Variants in NCDN observed in about 807,000 individuals in gnomAD.
NCDN encodes the protein norbin.
Under a neutral mutation model 60.7 loss-of-function variants are expected in NCDN, and 9 were observed. The ratio of observed to expected loss-of-function variants is 0.15; its 90% confidence interval spans 0.09 to 0.26. The LOEUF (loss-of-function observed/expected upper bound fraction) is 0.26, where lower values mean the gene tolerates loss of function less well. Ranked by LOEUF, NCDN falls within the 10% of genes least tolerant of loss-of-function variation. The pLI is 1.00. For synonymous variants in NCDN, 409 were observed against 442.5 expected (o/e 0.92, Z 0.95); for missense variants, 578 against 975.2 (o/e 0.59, Z 5.42).
chr1:35,565,756 C>T lies in NCDN; in HGVS notation c.*93C>T. On this transcript the variant is annotated 3_prime_UTR_variant, in exon 7 of 7. Coordinates refer to ENST00000373243, the MANE Select transcript of NCDN (RefSeq NM_014284.3). The surrounding 1 kb of genome is among the most constrained non-coding windows in gnomAD (Gnocchi z 8.9). ...AAGCCCCCAATCTGGCCCCCCCCTC[C>T]CCAGACTTCCTCCCCAAAACACCCC... 1 of 1,324,610 alleles carries T rather than the reference C, an allele frequency of 7.5e-7. No homozygotes were observed. 82.1% of individuals were successfully genotyped at this position (1,324,610 alleles called of 1,614,324 possible).
Position 35,560,925 on chromosome 1 carries a change from C to T in NCDN, c.774C>T (p.Tyr258=), listed in dbSNP as rs779151601. 10 of 1,613,824 alleles carry T rather than the reference C, an allele frequency of 6.2e-6. No homozygotes were observed. The East Asian group carries it at 2.0e-4, about 32-fold the overall frequency. Residue 258 remains tyrosine (Y), a synonymous_variant, in exon 3 of 7, where the codon TAC becomes TAT. Coordinates refer to ENST00000373243, the MANE Select transcript of NCDN (RefSeq NM_014284.3). This position sits in a 1 kb window ranked among gnomAD's most constrained non-coding sequence, Gnocchi z 7.6. The part of the protein sequence containing the change: ...LPPTTVPPEC[Y]RDLQAGLARI... The stretch of plus-strand genomic sequence containing the variant: ...CGACAACCGTGCCCCCTGAATGCTA[C>T]CGGGATCTGCAGGCCGGGCTGGCAC...
chr1:35,559,086 C>G, intron 1 of NCDN, 21 bp from the exon 2 acceptor site: 5 of 1,534,232 alleles, frequency 3.3e-6, no homozygotes, highest in Non-Finnish European at 4.4e-6. Flanking sequence ...GAGGGATGCT[C>G]AGTCCCTCTT....
rs139104373 is a variant in NCDN, at chr1:35,560,631, G to A, written c.480G>A (p.Thr160=). The A allele has an allele frequency of 3.3e-5, 54 of 1,613,438 alleles. No individual in the cohort carries two copies. The highest frequency in any genetic ancestry group is 1.6e-4 in the Middle Eastern group (1 of 6,084). Reference sequence around the variant, plus strand: ...TTGATGACACCTACCAGTGCCTGACGGCTGTAGCAGGCACACCCAGAGGGC... The same window carrying A: ...TTGATGACACCTACCAGTGCCTGACAGCTGTAGCAGGCACACCCAGAGGGC... ...SMIDDTYQCL[T]AVAGTPRGPR... The change falls in exon 3 of 7, where the codon ACG becomes ACA. Residue 160 remains threonine, a synonymous_variant. Coordinates refer to ENST00000373243, the MANE Select transcript of NCDN (RefSeq NM_014284.3). The surrounding 1 kb of genome is among the most constrained non-coding windows in gnomAD (Gnocchi z 7.6).
In NCDN at chr1:35,562,596, A is replaced by C; in HGVS notation, c.1348A>C (p.Thr450Pro). ...GGTGGCCAACCTGGCCATCTCCCCC[A>C]CCACCCCAGGGCCCACCTGGCCAGG... ...QQVANLAISPTTPGPTWPGDA... is the reference protein window; with the variant it reads ...QQVANLAISPPTPGPTWPGDA... The change falls in exon 4 of 7, where the codon ACC becomes CCC. Residue 450 changes from threonine (T) to proline (P), a missense_variant. By Grantham distance (38) the Thr-to-Pro change is conservative. This residue lies in a region of NCDN where 24 missense variants were observed against 19.5 expected (regional missense o/e 1.23). Transcript: ENST00000373243. This position sits in a 1 kb window ranked among gnomAD's most constrained non-coding sequence, Gnocchi z 6.8. 6 of 1,613,686 alleles carry C rather than the reference A, an allele frequency of 3.7e-6. No homozygotes were observed. The highest frequency in any genetic ancestry group is 5.1e-6 in the Non-Finnish European group (6 of 1,179,854).
rs976908525 is a variant in NCDN at position 35,561,640 on chromosome 1, G to T, written c.1143+346G>T. Among the ~76,000 whole-genome samples, 4 of 152,066 alleles carry T rather than the reference G, an allele frequency of 2.6e-5. No individual in the cohort carries two copies. The highest frequency in any genetic ancestry group is 9.7e-5 in the African/African-American group (4 of 41,364). Reference sequence around the variant, plus strand: ...CATGCACACAAGATTGAAGCAGTCTGTTCTGCTCACTCCATAGCATTGTTT... The same window carrying T: ...CATGCACACAAGATTGAAGCAGTCTTTTCTGCTCACTCCATAGCATTGTTT... On this transcript the variant is annotated intron_variant, in intron 3 of 6. Transcript: ENST00000373243. This position sits in a 1 kb window ranked among gnomAD's most constrained non-coding sequence, Gnocchi z 4.9.
chr1:35,563,437 C>T lies in NCDN; in HGVS notation c.1610+11C>T, dbSNP rs536513112. On this transcript the variant is annotated intron_variant, in intron 5 of 6. Transcript: ENST00000373243. This position sits in a 1 kb window ranked among gnomAD's most constrained non-coding sequence, Gnocchi z 6.6. ...ACCGGGGCTGATCAAGTGAGGGGCT[C>T]GGGAGAGGTGGGGGAGGAGGCCGGA... The T allele has an allele frequency of 1.1e-5, 17 of 1,609,086 alleles. No homozygotes were observed. Among genetic ancestry groups the T allele is most frequent in the African/African-American group, 4.0e-5 (3 of 74,948 alleles).
At position 35,562,689 on chromosome 1, in the gene NCDN, A is replaced by T. The variant is rs1648742821; in HGVS notation, c.1385+56A>T. 3 of 1,552,102 alleles carry T rather than the reference A, an allele frequency of 1.9e-6. No individual in the cohort carries two copies. Among genetic ancestry groups the T allele is most frequent in the African/African-American group, 2.7e-5 (2 of 73,646 alleles). ...GATCATTCTACCGAAAAGCGTTAAC[A>T]CAAGGACACCCCTCCCCACAAACTG... On this transcript the variant is annotated intron_variant, in intron 4 of 6. Transcript: ENST00000373243. This position sits in a 1 kb window ranked among gnomAD's most constrained non-coding sequence, Gnocchi z 6.8.
chr1:35,559,380 C>G, intron 2 of NCDN, 133 bp downstream of exon 2: 2 of 1,172,164 alleles, frequency 1.7e-6, no homozygotes, highest in Non-Finnish European at 2.4e-6. Flanking sequence ...GGCCCAAGAC[C>G]CCTACCTTTG....
In NCDN at chr1:35,566,601, G is replaced by T. The variant is rs910268547; in HGVS notation, c.*938G>T. On this transcript the variant is annotated 3_prime_UTR_variant, in exon 7 of 7. Coordinates refer to ENST00000373243, the MANE Select transcript of NCDN (RefSeq NM_014284.3). The surrounding 1 kb of genome is among the most constrained non-coding windows in gnomAD (Gnocchi z 5.3). ...AGACGCGACTGGCGGCTCCAGCAGG[G>T]ACTACCTTTCTTATAAACCCAGGGG... The T allele has an allele frequency of 5.6e-6, 2 of 360,038 alleles. No homozygotes were observed. Among genetic ancestry groups the T allele is most frequent in the African/African-American group, 2.2e-5 (1 of 46,240 alleles). 22.3% of individuals were successfully genotyped at this position (360,038 alleles called of 1,614,324 possible).
Position 35,558,304 on chromosome 1 carries a change from C to A in NCDN, c.33+81C>A. The A allele has an allele frequency of 6.2e-7, 1 of 1,600,142 alleles. No individual in the cohort carries two copies. Among genetic ancestry groups the A allele is most frequent in the Non-Finnish European group, 8.5e-7 (1 of 1,170,956 alleles). ...GCTTCGATTATCCGGCTTTTGGATT[C>A]TCCGTTGTCCTGGGAACTATCCGGG... is the stretch of plus-strand genomic sequence containing the variant. On this transcript the variant is annotated intron_variant, in intron 1 of 6. Transcript: ENST00000373243. The surrounding 1 kb of genome is among the most constrained non-coding windows in gnomAD (Gnocchi z 6.3).
chr1:35,561,567 G>A lies in NCDN; in HGVS notation c.1143+273G>A, dbSNP rs1388868909. 1.3e-5 allele frequency among the ~76,000 whole-genome samples: 2 copies of A among 151,196 alleles called. No individual in the cohort carries two copies. Among genetic ancestry groups the A allele is most frequent in the Non-Finnish European group, 3.0e-5 (2 of 67,786 alleles). ...CAACACAGTAACCTCCCACTCAAAC[G>A]CTCCCCCCAATACACACACACTACA... On this transcript the variant is annotated intron_variant, in intron 3 of 6. Coordinates refer to ENST00000373243, the MANE Select transcript of NCDN (RefSeq NM_014284.3). The surrounding 1 kb of genome is among the most constrained non-coding windows in gnomAD (Gnocchi z 4.9).
Position 35,558,746 on chromosome 1 carries a change from G to A in NCDN, c.34-361G>A, listed in dbSNP as rs558835274. On this transcript the variant is annotated intron_variant, in intron 1 of 6. Transcript: ENST00000373243. The surrounding 1 kb of genome is among the most constrained non-coding windows in gnomAD (Gnocchi z 6.3). ...TCACTCCCTCTGTGTCCCTGTGGAGGGAGATAAAACCCAGCCTCCGGTGCC... is the reference window on the plus strand; with the variant it reads ...TCACTCCCTCTGTGTCCCTGTGGAGAGAGATAAAACCCAGCCTCCGGTGCC... 70 of 1,152,942 alleles carry A rather than the reference G, an allele frequency of 6.1e-5. No individual in the cohort carries two copies. In the African/African-American group the frequency reaches 9.5e-4, roughly 16 times the overall value. The allele number at this position is 1,152,942 out of a possible 1,614,324, so 71.4% of individuals were successfully genotyped here. A position where few individuals can be genotyped will look rare whatever the true frequency, so the allele number is the denominator to read the frequency against.
In NCDN at chr1:35,563,413, C is replaced by T; in HGVS notation, c.1597C>T (p.Pro533Ser). The change falls in exon 5 of 7, where the codon CCG becomes TCG. Residue 533 changes from proline to serine, a missense_variant. Pro to Ser is a moderately conservative substitution (Grantham distance 74). Coordinates refer to ENST00000373243, the MANE Select transcript of NCDN (RefSeq NM_014284.3). The surrounding 1 kb of genome is among the most constrained non-coding windows in gnomAD (Gnocchi z 6.6). ...HIFLNLVVTA[P>S]GLIKRDACFT... is the part of the protein sequence containing the mutation. ...CTTCCTCAACCTCGTGGTCACCGCACCGGGGCTGATCAAGTGAGGGGCTCG... is the reference window on the plus strand; with the variant it reads ...CTTCCTCAACCTCGTGGTCACCGCATCGGGGCTGATCAAGTGAGGGGCTCG... 6.2e-7 allele frequency: 1 copy of T among 1,613,868 alleles called. No homozygotes were observed. The highest frequency in any genetic ancestry group is 8.5e-7 in the Non-Finnish European group (1 of 1,179,784).
At position 35,561,031 on chromosome 1, in the gene NCDN, T is replaced by C. The variant is rs1648686099; in HGVS notation, c.880T>C (p.Ser294Pro). 6.2e-7 allele frequency: 1 copy of C among 1,612,916 alleles called. No homozygotes were observed. The change falls in exon 3 of 7, where the codon TCC becomes CCC. Residue 294 changes from serine (S) to proline (P), a missense_variant. By Grantham distance (74) the Ser-to-Pro change is moderately conservative. Coordinates refer to ENST00000373243, the MANE Select transcript of NCDN (RefSeq NM_014284.3). This position sits in a 1 kb window ranked among gnomAD's most constrained non-coding sequence, Gnocchi z 4.9. Reference protein sequence around the residue: ...LAARLAHACGSDWIPAGSSGS... With the variant: ...LAARLAHACGPDWIPAGSSGS... ...AGCCCGCCTGGCACACGCCTGCGGC[T>C]CCGACTGGATCCCGGCGGGCAGCTC...
Position 35,559,130 on chromosome 1 carries a change from C to G in NCDN, c.57C>G (p.Ala19=), listed in dbSNP as rs374920521. The G allele has an allele frequency of 4.3e-6, 7 of 1,613,612 alleles. No homozygotes were observed. The highest frequency in any genetic ancestry group is 5.9e-6 in the Non-Finnish European group (7 of 1,179,908). ...AGQLGKASIM[A]SDCEPALNQA... is the part of the protein sequence containing the mutation. ...AGTTGGGCAAGGCGAGCATCATGGCCTCGGATTGCGAGCCAGCTCTGAACC... is the reference window on the plus strand; with the variant it reads ...AGTTGGGCAAGGCGAGCATCATGGCGTCGGATTGCGAGCCAGCTCTGAACC... The change falls in exon 2 of 7, where the codon GCC becomes GCG. Residue 19 remains alanine, a synonymous_variant. Coordinates refer to ENST00000373243, the MANE Select transcript of NCDN (RefSeq NM_014284.3).
chr1:35,560,685 G>A lies in NCDN; in HGVS notation c.534G>A (p.Val178=), dbSNP rs908980024. 6.2e-7 allele frequency: 1 copy of A among 1,612,960 alleles called. No individual in the cohort carries two copies. Among genetic ancestry groups the A allele is most frequent in the African/African-American group, 1.3e-5 (1 of 74,958 alleles). ...GPRHLIAGGT[V]SALCQAYLGH... is the part of the protein sequence containing the mutation. ...GGCACCTCATTGCTGGTGGCACCGT[G>A]TCTGCCCTATGCCAGGCATACCTGG... Residue 178 remains valine, a synonymous_variant, in exon 3 of 7, where the codon GTG becomes GTA. Transcript: ENST00000373243. The surrounding 1 kb of genome is among the most constrained non-coding windows in gnomAD (Gnocchi z 7.6).
At position 35,565,692 on chromosome 1, in the gene NCDN, G is replaced by T; in HGVS notation, c.*29G>T. ...GTGTCCACCGGGGACAGACCCAGGGGCGGGCAGAGAGGGAAGGAGGGAGGA... is the reference window on the plus strand; with the variant it reads ...GTGTCCACCGGGGACAGACCCAGGGTCGGGCAGAGAGGGAAGGAGGGAGGA... On this transcript the variant is annotated 3_prime_UTR_variant, in exon 7 of 7. Transcript: ENST00000373243. The surrounding 1 kb of genome is among the most constrained non-coding windows in gnomAD (Gnocchi z 8.9). 1 of 1,520,298 alleles carries T rather than the reference G, an allele frequency of 6.6e-7. No individual in the cohort carries two copies. Among genetic ancestry groups the T allele is most frequent in the Non-Finnish European group, 8.8e-7 (1 of 1,136,632 alleles). 94.2% of individuals were successfully genotyped at this position (1,520,298 alleles called of 1,614,324 possible). A position where few individuals can be genotyped will look rare whatever the true frequency, so the allele number is the denominator to read the frequency against.
Position 35,560,659 on chromosome 1 carries a change from C to G in NCDN, c.508C>G (p.Arg170Gly), listed in dbSNP as rs143942845. 1 of 1,613,272 alleles carries G rather than the reference C, an allele frequency of 6.2e-7. No individual in the cohort carries two copies. The highest frequency in any genetic ancestry group is 1.3e-5 in the African/African-American group (1 of 74,942). The change falls in exon 3 of 7, where the codon CGG becomes GGG. Residue 170 changes from arginine to glycine, a missense_variant. Arg to Gly is a moderately radical substitution (Grantham distance 125, BLOSUM62 -2). Around this residue, in one of 3 missense-constraint regions of NCDN, gnomAD observed 363 missense variants for 583.6 expected, o/e 0.62. Coordinates refer to ENST00000373243, the MANE Select transcript of NCDN (RefSeq NM_014284.3). This position sits in a 1 kb window ranked among gnomAD's most constrained non-coding sequence, Gnocchi z 7.6. ...TAVAGTPRGP[R>G]HLIAGGTVSA... ...TGTAGCAGGCACACCCAGAGGGCCTCGGCACCTCATTGCTGGTGGCACCGT... is the reference window on the plus strand; with the variant it reads ...TGTAGCAGGCACACCCAGAGGGCCTGGGCACCTCATTGCTGGTGGCACCGT...
Position 35,560,787 on chromosome 1 carries a change from G to A in NCDN, c.636G>A (p.Lys212=). The change falls in exon 3 of 7, where the codon AAG becomes AAA. Residue 212 remains lysine (K), a synonymous_variant. Transcript: ENST00000373243. The surrounding 1 kb of genome is among the most constrained non-coding windows in gnomAD (Gnocchi z 7.6). ...LLAAAETQCW[K]EAEPDLLAVL... ...CTGCTGCCGAGACACAGTGCTGGAA[G>A]GAGGCGGAGCCCGACCTGCTGGCCG... 1 of 1,613,360 alleles carries A rather than the reference G, an allele frequency of 6.2e-7. No homozygotes were observed. Among genetic ancestry groups the A allele is most frequent in the Non-Finnish European group, 8.5e-7 (1 of 1,180,008 alleles).
Sources: allele counts gnomAD v4.1 joint callset (sites outside exome capture counted in the v4.1 genomes callset), GRCh38; gene constraint gnomAD v4.1.1; regional missense constraint gnomAD v4.1.1; non-coding constraint Gnocchi (gnomAD v3.1); transcripts MANE v1.5; gene names NCBI Gene and HGNC (gene_info 2026-07-23, HGNC 2026-07-21).